The following ZPBP variants were observed in gnomAD, a reference collection of about 807,000 sequenced individuals.
The protein encoded by ZPBP is zona pellucida-binding protein 1.
In ZPBP, 26 loss-of-function variants were observed where a neutral mutation model predicts 44.8. The observed-to-expected ratio is 0.58, with a 90% CI of 0.43 to 0.81. The LOEUF is 0.81. ZPBP is among the 30% of genes least tolerant of loss of function. The pLI is 0.00. For missense variants in ZPBP, 409 were observed against 434.0 expected (o/e 0.94, Z 0.51); for synonymous variants, 174 against 153.2 (o/e 1.14, Z -1.00).
intron 6 of ZPBP, among the ~76,000 whole-genome samples, chr7:50,003,420 C>G (rs1264797382): frequency 1.3e-5 from 2 of 152,168 alleles, no homozygotes; most frequent in African/African-American, 2.4e-5. Context: ...CTCAGACTAT[C>G]CCACCTCACC....
intron 7 of ZPBP, chr7:49,942,277 C>A: frequency 4.6e-6 from 1 of 217,892 alleles, no homozygotes; most frequent in Non-Finnish European, 9.1e-6. Flanking sequence ...TGTGTTTCTG[C>A]TTCAGTCCCT....
At chr7:49,978,081 GTTTTTTTT>G (rs34696520) in intron 7 of ZPBP, among the ~76,000 whole-genome samples, 1 of 143,426 alleles carries the variant, frequency 7.0e-6, no homozygotes, top group African/African-American at 2.5e-5. Flanking sequence ...TTGGTTTTTT[GTTTTTTTT>G]TTTTTGAAAA....
chr7:49,946,644 G>A (rs748144634), intron 7 of ZPBP, among the ~76,000 whole-genome samples: 145 of 151,934 alleles, frequency 9.5e-4, no homozygotes, highest in Non-Finnish European at 1.8e-3. Flanking sequence ...CTTGACCTTT[G>A]GGAGGTTGAC....
chr7:49,948,291 A>G (rs1008319393), intron 7 of ZPBP, among the ~76,000 whole-genome samples: 2 of 152,174 alleles, frequency 1.3e-5, no homozygotes, highest in African/African-American at 4.8e-5. Flanking sequence ...TAATCACTGG[A>G]GGGTTCTATT....
chr7:49,865,976 A>C (rs1218835887), intron 2 of ZPBP, among the ~76,000 whole-genome samples: 1 of 152,206 alleles, frequency 6.6e-6, no homozygotes, highest in African/African-American at 2.4e-5. Context: ...CTTAGGTTTT[A>C]ATAAAAGACT....
intron 7 of ZPBP, among the ~76,000 whole-genome samples, chr7:49,976,955 A>C (rs1304031550): frequency 6.6e-6 from 1 of 151,832 alleles, no homozygotes; most frequent in East Asian, 1.9e-4. Context: ...ACAAAAAATT[A>C]CCCGGGCACG....
chr7:49,998,315 C>T (rs957695465), intron 6 of ZPBP, among the ~76,000 whole-genome samples: 9 of 152,298 alleles, frequency 5.9e-5, no homozygotes, highest in African/African-American at 9.6e-5. Flanking sequence ...AATTGATATT[C>T]GGCCCTGCAG....
At chr7:49,982,146 A>C (rs1797011752) in intron 7 of ZPBP, among the ~76,000 whole-genome samples, 1 of 90,812 alleles carries the variant, frequency 1.1e-5, no homozygotes, top group Non-Finnish European at 2.0e-5. Context: ...TTTATATAAA[A>C]TATATAATAT....
intron 2 of ZPBP, among the ~76,000 whole-genome samples, chr7:49,861,938 A>T (rs1790666686): frequency 6.6e-6 from 1 of 152,098 alleles, no homozygotes; most frequent in African/African-American, 2.4e-5. Flanking sequence ...TGACTTTTTT[A>T]AAGATTATTA....
At chr7:49,911,984 A>G in intron 1 of ZPBP, 1 of 1,459,178 alleles carries the variant, frequency 6.9e-7, no homozygotes, top group Non-Finnish European at 9.2e-7. Context: ...AATTATATAT[A>G]TTATATATTT....
chr7:49,856,974 C>T (rs1347157217), intron 2 of ZPBP, among the ~76,000 whole-genome samples: 1 of 126,884 alleles, frequency 7.9e-6, no homozygotes, highest in Non-Finnish European at 1.6e-5. Flanking sequence ...CGGGCCACTG[C>T]ACTCCAACCT....
At chr7:50,088,512 G>A (rs549234480) in intron 2 of ZPBP, among the ~76,000 whole-genome samples, 1 of 152,010 alleles carries the variant, frequency 6.6e-6, no homozygotes, top group East Asian at 1.9e-4. Context: ...AAAAATATTT[G>A]CAAATCATGT....
chr7:49,936,648 G>A (rs540254347), downstream of ZPBP, among the ~76,000 whole-genome samples: 1 of 152,254 alleles, frequency 6.6e-6, no homozygotes, highest in Admixed American at 6.5e-5. Context: ...GAAAAATTGA[G>A]AAACTACTCA....
At chr7:50,022,262 A>C (rs1799136698) in intron 5 of ZPBP, among the ~76,000 whole-genome samples, 1 of 152,142 alleles carries the variant, frequency 6.6e-6, no homozygotes, top group Non-Finnish European at 1.5e-5. Context: ...TATAACAGTC[A>C]GTATTCTTTT....
intron 2 of ZPBP, 44 bp downstream of exon 2, chr7:50,089,585 T>C (rs1802844692): frequency 1.4e-6 from 2 of 1,388,586 alleles, no homozygotes; most frequent in East Asian, 2.4e-5. Context: ...TTTAAACAAA[T>C]GCTAATAACT....
intron 7 of ZPBP, among the ~76,000 whole-genome samples, chr7:49,963,619 T>C (rs1795944619): frequency 3.3e-5 from 5 of 151,884 alleles, no homozygotes. Flanking sequence ...TGATGTTAGT[T>C]AAATGTTAGT....
chr7:49,864,467 T>G (rs1790797858), intron 2 of ZPBP, among the ~76,000 whole-genome samples: 2 of 152,184 alleles, frequency 1.3e-5, no homozygotes, highest in Admixed American at 1.3e-4. Flanking sequence ...TCCAAATACA[T>G]GGGTGCTTTA....
chr7:50,031,321 T>G lies in ZPBP; in HGVS notation c.488-11A>C, dbSNP rs747622748. On this transcript the variant is annotated splice_polypyrimidine_tract_variant and intron_variant, in intron 4 of 7. Coordinates refer to ENST00000046087, the MANE Select transcript of ZPBP (RefSeq NM_007009.3). ...GAGGCTCACGATAAGCTGTAAAAAATTAACAAGAGAAAGACACAAAAATGG... is the reference window on the plus strand; with the variant it reads ...GAGGCTCACGATAAGCTGTAAAAAAGTAACAAGAGAAAGACACAAAAATGG... 3.1e-6 allele frequency: 5 copies of G among 1,601,346 alleles called. No individual in the cohort carries two copies. The highest frequency in any genetic ancestry group is 4.3e-6 in the Non-Finnish European group (5 of 1,173,736).
At position 50,062,737 on chromosome 7, in the gene ZPBP, C is replaced by T. The variant is rs563665982; in HGVS notation, c.335-4596G>A. 3.3e-5 allele frequency among the ~76,000 whole-genome samples: 5 copies of T among 152,262 alleles called. 1 individual carries two copies. In the South Asian group the frequency reaches 8.3e-4, roughly 25 times the overall value. ...CAAGATGGCTGAATAGAAGGCTCTA[C>T]TGATCATTCTTCCTGCAAGGACACC... is the stretch of plus-strand genomic sequence containing the variant. On this transcript the variant is annotated intron_variant, in intron 3 of 7. Coordinates refer to ENST00000046087, the MANE Select transcript of ZPBP (RefSeq NM_007009.3).
Sources: allele counts gnomAD v4.1 joint callset (sites outside exome capture counted in the v4.1 genomes callset), GRCh38; gene constraint gnomAD v4.1.1; transcripts MANE v1.5; gene names NCBI Gene and HGNC (gene_info 2026-07-23, HGNC 2026-07-21).